FMN1: variants seen among roughly 807,000 people sequenced by gnomAD.
The protein encoded by FMN1 is formin-1.
A neutral mutation model predicts 132.4 loss-of-function variants in FMN1; 110 were observed. That is an observed-to-expected ratio of 0.83 (90% CI 0.71 to 0.97). The LOEUF is 0.97. FMN1 is among the 50% of genes least tolerant of loss of function. The pLI, the probability that FMN1 is intolerant of heterozygous loss-of-function variation, is 0.00. For missense variants in FMN1, 1,792 were observed against 1,705.3 expected, an observed-to-expected ratio of 1.05 and a Z score of -0.90; for synonymous variants, 722 against 651.7, an observed-to-expected ratio of 1.11 and a Z score of -1.64.
intron 5 of FMN1, among the ~76,000 whole-genome samples, chr15:33,078,833 A>G (rs1410133878): frequency 6.6e-6 from 1 of 152,176 alleles, no homozygotes; most frequent in African/African-American, 2.4e-5. Flanking sequence ...TTTGAAAGAC[A>G]CACATGGAGT....
chr15:32,837,790 T>C (rs571847866), intron 17 of FMN1, among the ~76,000 whole-genome samples: 19 of 152,326 alleles, frequency 1.2e-4, no homozygotes, highest in African/African-American at 3.4e-4. Flanking sequence ...AGTAGATAAC[T>C]TATAAATGCT....
chr15:33,040,064 T>C (rs2036359459), intron 6 of FMN1, among the ~76,000 whole-genome samples: 1 of 152,218 alleles, frequency 6.6e-6, no homozygotes, highest in Non-Finnish European at 1.5e-5. Context: ...ATGGAAGACG[T>C]GGCACCATCC....
At chr15:33,024,016 A>C (rs2035546814) in intron 6 of FMN1, among the ~76,000 whole-genome samples, 1 of 152,148 alleles carries the variant, frequency 6.6e-6, no homozygotes, top group African/African-American at 2.4e-5. Context: ...TATAACCAAT[A>C]AAATGTTAGC....
chr15:33,133,079 T>G (rs1963616557), intron 4 of FMN1, among the ~76,000 whole-genome samples: 1 of 152,202 alleles, frequency 6.6e-6, no homozygotes, highest in African/African-American at 2.4e-5. Flanking sequence ...GGCCAAGCAC[T>G]GCATCTCTTT....
chr15:33,005,283 A>T (rs1490352376), intron 7 of FMN1, among the ~76,000 whole-genome samples: 1 of 152,180 alleles, frequency 6.6e-6, no homozygotes, highest in African/African-American at 2.4e-5. Context: ...TGGCTTTAGC[A>T]ATTAGGTAAA....
At position 32,833,484 on chromosome 15, in the gene FMN1, C is replaced by G. The variant is rs2058550927; in HGVS notation, c.3928+23531G>C. On this transcript the variant is annotated intron_variant, in intron 17 of 20. Transcript: ENST00000616417. Reference sequence around the variant, plus strand: ...AAGTGAGCCTTCTGACCCCCATGATCTAATAAGCCCCAATATTAGTCCATA... The same window carrying G: ...AAGTGAGCCTTCTGACCCCCATGATGTAATAAGCCCCAATATTAGTCCATA... Among the ~76,000 whole-genome samples the G allele has an allele frequency of 2.6e-5, 4 of 152,174 alleles. No homozygotes were observed. The South Asian group carries it at 8.3e-4, about 32-fold the overall frequency.
intron 15 of FMN1, among the ~76,000 whole-genome samples, chr15:32,895,963 C>CA (rs927567222): frequency 6.6e-6 from 1 of 152,090 alleles, no homozygotes; most frequent in African/African-American, 2.4e-5. Context: ...TTTGCTACTT[C>CA]AAAATCAGTA....
intron 9 of FMN1, among the ~76,000 whole-genome samples, chr15:32,932,872 T>A (rs192259037): frequency 3.3e-5 from 5 of 152,286 alleles, no homozygotes; most frequent in African/African-American, 1.2e-4. Flanking sequence ...TATACTTGTG[T>A]TTTCTTTTTC....
intron 7 of FMN1, among the ~76,000 whole-genome samples, chr15:33,007,226 T>C (rs980296014): frequency 5.3e-5 from 8 of 152,182 alleles, no homozygotes; most frequent in African/African-American, 1.9e-4. Context: ...AAAAGAAATG[T>C]CTGATCCACA....
chr15:33,010,200 A>C (rs889300862), intron 6 of FMN1, among the ~76,000 whole-genome samples: 6 of 152,200 alleles, frequency 3.9e-5, no homozygotes, highest in African/African-American at 1.4e-4. Flanking sequence ...GAAAGAAGTC[A>C]GTCTCAGAAG....
rs796706510 is a variant in FMN1, at chr15:33,077,793, CA to C, written c.2043+11005del. 1.5e-3 allele frequency among the ~76,000 whole-genome samples: 171 copies of C among 115,080 alleles called. 1 individual carries two copies. The highest frequency in any genetic ancestry group is 3.7e-3 in the East Asian group (13 of 3,472). 75.5% of individuals were successfully genotyped at this position (115,080 alleles called of 152,430 possible). The stretch of plus-strand genomic sequence containing the variant: ...TCTACAAAGAACTCAAACAAATTTA[CA>C]AAAAAAAAAAAAAACATCAAAAAGT... On this transcript the variant is annotated intron_variant, in intron 5 of 20. Coordinates refer to ENST00000616417, the MANE Select transcript of FMN1 (RefSeq NM_001277313.2).
intron 4 of FMN1, among the ~76,000 whole-genome samples, chr15:33,114,761 CA>C (rs2039848284): frequency 6.6e-6 from 1 of 152,126 alleles, no homozygotes; most frequent in Admixed American, 6.6e-5. Flanking sequence ...CCAAATGCCC[CA>C]AAACAACTAC....
At chr15:33,015,433 G>A (rs2034984498) in intron 6 of FMN1, among the ~76,000 whole-genome samples, 1 of 152,146 alleles carries the variant, frequency 6.6e-6, no homozygotes, top group South Asian at 2.1e-4. Flanking sequence ...GGGAATTTCA[G>A]GGCCTGTAGT....
chr15:33,117,649 G>T (rs559859601), intron 4 of FMN1, among the ~76,000 whole-genome samples: 1 of 152,118 alleles, frequency 6.6e-6, no homozygotes, highest in Non-Finnish European at 1.5e-5. Context: ...GTTTTGCAGT[G>T]ATTCCAATAA....
rs16959517 is a variant in FMN1, at chr15:32,838,451, C to T, written c.3928+18564G>A. Among the ~76,000 whole-genome samples, 1,031 of 135,494 alleles carry T rather than the reference C, an allele frequency of 7.6e-3. 14 individuals carry two copies. Among genetic ancestry groups the T allele is most frequent in the African/African-American group, 0.027 (990 of 36,804 alleles). 88.9% of individuals were successfully genotyped at this position (135,494 alleles called of 152,430 possible). A position where few individuals can be genotyped will look rare whatever the true frequency, so the allele number is the denominator to read the frequency against. On this transcript the variant is annotated intron_variant, in intron 17 of 20. Transcript: ENST00000616417. ...AAGGGACCCTCTTGGCATTCTGGAT[C>T]CAAGAGGAAAACATAGCAGGCGCAG... is the stretch of plus-strand genomic sequence containing the variant.
At chr15:32,828,087 G>T (rs1425499029) in intron 17 of FMN1, among the ~76,000 whole-genome samples, 1 of 152,176 alleles carries the variant, frequency 6.6e-6, no homozygotes, top group African/African-American at 2.4e-5. Context: ...GAGGTTGGGA[G>T]TTTGAAACCA....
At chr15:33,126,043 G>A (rs1227400837) in intron 4 of FMN1, among the ~76,000 whole-genome samples, 1 of 152,166 alleles carries the variant, frequency 6.6e-6, no homozygotes. Context: ...CAGTGCAGTT[G>A]TGAAAAACAG....
chr15:32,922,226 G>T (rs1363558763), intron 10 of FMN1, among the ~76,000 whole-genome samples: 2 of 152,148 alleles, frequency 1.3e-5, no homozygotes, highest in Non-Finnish European at 2.9e-5. Flanking sequence ...ACAGTTTTAT[G>T]GAAGGAAAGA....
intron 5 of FMN1, among the ~76,000 whole-genome samples, chr15:33,074,813 C>T (rs1225603279): frequency 3.3e-5 from 5 of 151,714 alleles, no homozygotes; most frequent in African/African-American, 1.2e-4. Flanking sequence ...GCCAAGAGTT[C>T]AAGACCAGCC....
Sources: gnomAD v4.1 joint callset for allele counts (sites outside exome capture counted in the v4.1 genomes callset) on GRCh38, gnomAD v4.1.1 for gene constraint, MANE v1.5 for transcripts, NCBI Gene and HGNC (gene_info 2026-07-23, HGNC 2026-07-21) for gene names.